TBCE: variants seen among roughly 807,000 people sequenced by gnomAD.
The protein encoded by TBCE is tubulin-specific chaperone E.
Under a neutral mutation model 77.0 loss-of-function variants are expected in TBCE, and 53 were observed. The observed-to-expected ratio is 0.69, with a 90% CI of 0.55 to 0.87. The LOEUF is 0.87. Ranked by LOEUF, TBCE falls within the 40% of genes least tolerant of loss-of-function variation. The pLI, the probability that TBCE is intolerant of heterozygous loss-of-function variation, is 0.00. For synonymous variants in TBCE, 235 were observed against 241.3 expected, an observed-to-expected ratio of 0.97 and a Z score of 0.24; for missense variants, 624 against 622.4, an observed-to-expected ratio of 1.00 and a Z score of -0.03.
At chr1:235,385,654 G>A (rs576490789) in intron 2 of TBCE, among the ~76,000 whole-genome samples, 125 of 151,702 alleles carry the variant, frequency 8.2e-4, no homozygotes, top group African/African-American at 2.9e-3. Context: ...GCCTTTTTTT[G>A]TTTTCCATTT....
Position 235,406,992 on chromosome 1 carries a change from G to A in TBCE, c.185+5405G>A, listed in dbSNP as rs1259390579. On this transcript the variant is annotated intron_variant, in intron 3 of 16. Coordinates refer to ENST00000642610, the MANE Select transcript of TBCE (RefSeq NM_003193.5). ...TGGTATTATAGGAAAGTGCCACCAC[G>A]CCTGGCTAATTTTGTATTTTTAGAC... 6.6e-5 allele frequency among the ~76,000 whole-genome samples: 10 copies of A among 151,774 alleles called. No homozygotes were observed. In the East Asian group the frequency reaches 1.5e-3, roughly 23 times the overall value.
chr1:235,445,956 G>A (rs1434170071), intron 15 of TBCE, among the ~76,000 whole-genome samples: 1 of 152,176 alleles, frequency 6.6e-6, no homozygotes, highest in African/African-American at 2.4e-5. Context: ...GCGCTGTCCA[G>A]TGTGGCTGCA....
rs773176639 is a variant in TBCE at position 235,441,921 on chromosome 1, G to C, written c.1339+39G>C. ...ATTCAAATAGTTTATTTGTATTTGA[G>C]TGCTTAGGTGCTGAAACAGTTAGTG... On this transcript the variant is annotated intron_variant, in intron 14 of 16. Coordinates refer to ENST00000642610, the MANE Select transcript of TBCE (RefSeq NM_003193.5). 1.9e-6 allele frequency: 3 copies of C among 1,557,986 alleles called. No homozygotes were observed. The South Asian group carries it at 3.4e-5, about 17-fold the overall frequency.
intron 7 of TBCE, chr1:235,433,082 G>T (rs748150101): frequency 1.3e-6 from 2 of 1,549,116 alleles, no homozygotes; most frequent in East Asian, 2.4e-5. Context: ...ACATCCATGC[G>T]GATGAACGTG....
chr1:235,441,166 T>C (rs1241024287), intron 13 of TBCE: 1 of 153,314 alleles, frequency 6.5e-6, no homozygotes, highest in Non-Finnish European at 1.5e-5. Context: ...ATTTCACTGC[T>C]AAGAATGTTA....
chr1:235,437,342 A>C lies in TBCE; in HGVS notation c.984A>C (p.Leu328=). 6.2e-7 allele frequency: 1 copy of C among 1,614,020 alleles called. No individual in the cohort carries two copies. Among genetic ancestry groups the C allele is most frequent in the Non-Finnish European group, 8.5e-7 (1 of 1,179,996 alleles). The change falls in exon 12 of 17, where the codon CTA becomes CTC. Residue 328 remains leucine (L), a synonymous_variant. Coordinates refer to ENST00000642610, the MANE Select transcript of TBCE (RefSeq NM_003193.5). ...QISQWSFFNE[L]EKLPSLRALS... The stretch of plus-strand genomic sequence containing the variant: ...TTCAGTGGTCGTTTTTCAATGAGCT[A>C]GAGAAGTTACCAAGTCTACGGGCTT...
intron 15 of TBCE, among the ~76,000 whole-genome samples, chr1:235,447,971 G>A (rs534904424): frequency 6.6e-6 from 1 of 152,118 alleles, no homozygotes; most frequent in East Asian, 1.9e-4. Context: ...AGCACTTTGG[G>A]GGGCCAGGGC....
At chr1:235,427,305 C>T in intron 6 of TBCE, 66 bp downstream of exon 6, 2 of 1,238,342 alleles carry the variant, frequency 1.6e-6, no homozygotes, top group Admixed American at 1.7e-5. Context: ...TTCCTCACAG[C>T]ATCTCTGTGG....
chr1:235,393,502 C>T (rs1196811144), intron 2 of TBCE, among the ~76,000 whole-genome samples: 1 of 152,038 alleles, frequency 6.6e-6, no homozygotes, highest in Non-Finnish European at 1.5e-5. Context: ...GGCGCCACTG[C>T]ACTCCAGCCT....
intron 15 of TBCE, among the ~76,000 whole-genome samples, chr1:235,444,602 G>A (rs982571929): frequency 6.6e-6 from 1 of 151,980 alleles, no homozygotes; most frequent in Non-Finnish European, 1.5e-5. Flanking sequence ...ATGAAGCCTC[G>A]CTATGTTGCT....
At chr1:235,409,244 G>T (rs1679637128) in intron 3 of TBCE, among the ~76,000 whole-genome samples, 1 of 152,000 alleles carries the variant, frequency 6.6e-6, no homozygotes, top group African/African-American at 2.4e-5. Context: ...ATGTGTAATT[G>T]GTAGGCAGAA....
intron 14 of TBCE, among the ~76,000 whole-genome samples, chr1:235,442,193 G>A (rs767069884): frequency 4.0e-5 from 6 of 151,752 alleles, no homozygotes; most frequent in African/African-American, 9.7e-5. Context: ...TAATCGAGAC[G>A]GAGTTTTGCT....
At position 235,439,710 on chromosome 1, in the gene TBCE, A is replaced by G. The variant is rs75094226; in HGVS notation, c.1270+788A>G. Among the ~76,000 whole-genome samples the G allele has an allele frequency of 1.6e-3, 246 of 150,110 alleles. 6 individuals are homozygous for G. The East Asian group carries it at 0.042, about 25-fold the overall frequency. ...ACCATATTGGCCAGGCTGGTCTTGA[A>G]CTCCTGACCTCAAGTGATCCACCCG... On this transcript the variant is annotated intron_variant, in intron 13 of 16. Transcript: ENST00000642610.
rs1230942719 is a variant in TBCE at position 235,448,795 on chromosome 1, C to T, written c.*33C>T. ...CTAATAAAATTTAAAGACCACACTG[C>T]TTATCGTGTCTGGGGTTCACCGGAA... On this transcript the variant is annotated 3_prime_UTR_variant, in exon 17 of 17. Coordinates refer to ENST00000642610, the MANE Select transcript of TBCE (RefSeq NM_003193.5). 4.2e-6 allele frequency: 6 copies of T among 1,415,906 alleles called. No homozygotes were observed. The highest frequency in any genetic ancestry group is 3.4e-5 in the Admixed American group (2 of 59,690). 87.7% of individuals were successfully genotyped at this position (1,415,906 alleles called of 1,614,324 possible).
chr1:235,415,599 T>C (rs1680065358), intron 4 of TBCE: 1 of 152,168 alleles, frequency 6.6e-6, no homozygotes, highest in African/African-American at 2.4e-5. Context: ...TAAGCTATAG[T>C]TCTGTCCAAA....
At chr1:235,430,632 T>C in intron 6 of TBCE, 73 bp from the exon 7 acceptor site, 1 of 1,054,684 alleles carries the variant, frequency 9.5e-7, no homozygotes, top group Non-Finnish European at 1.4e-6. Context: ...ACCCAGATTG[T>C]TGCTTTCAAC....
At chr1:235,394,184 C>T (rs1572351598) in intron 2 of TBCE, among the ~76,000 whole-genome samples, 1 of 152,184 alleles carries the variant, frequency 6.6e-6, no homozygotes, top group East Asian at 1.9e-4. Context: ...ACGCCATTCT[C>T]CTGCCTCAGC....
chr1:235,400,070 T>G (rs771779108), intron 2 of TBCE, among the ~76,000 whole-genome samples: 30 of 152,158 alleles, frequency 2.0e-4, no homozygotes, highest in Non-Finnish European at 3.8e-4. Context: ...TAGAGGTAAG[T>G]CTAGAGATTA....
chr1:235,377,190 G>GT (rs1297497555), intron 1 of TBCE, among the ~76,000 whole-genome samples: 1 of 151,832 alleles, frequency 6.6e-6, no homozygotes, highest in Non-Finnish European at 1.5e-5. Flanking sequence ...TTTTTGTTTT[G>GT]TTTTTTGTGA....
Sources: allele counts gnomAD v4.1 joint callset (sites outside exome capture counted in the v4.1 genomes callset), GRCh38; gene constraint gnomAD v4.1.1; transcripts MANE v1.5; gene names NCBI Gene and HGNC (gene_info 2026-07-23, HGNC 2026-07-21).